The following KCNH1 variants were observed in gnomAD, a reference collection of about 807,000 sequenced individuals.
The protein encoded by KCNH1 is voltage-gated delayed rectifier potassium channel KCNH1.
Under a neutral mutation model 69.2 loss-of-function variants are expected in KCNH1, and 27 were observed. That is an observed-to-expected ratio of 0.39 (90% CI 0.29 to 0.54). KCNH1 has a LOEUF of 0.54. Among genes scored for constraint, KCNH1 ranks in the 20% least tolerant of loss-of-function variants. The probability of loss-of-function intolerance (pLI) is 0.68; values close to 1 mark genes in which losing one functional copy is unlikely to be tolerated. For missense variants in KCNH1, 798 were observed against 1,261.6 expected (o/e 0.63, Z 5.57); for synonymous variants, 456 against 487.7 (o/e 0.93, Z 0.86).
intron 8 of KCNH1, 80 bp from the exon 9 acceptor site, chr1:210,797,840 G>C: frequency 6.6e-7 from 1 of 1,508,630 alleles, no homozygotes; most frequent in Non-Finnish European, 9.0e-7. Flanking sequence ...CTAGGGGGAG[G>C]AGCAACATCC....
chr1:210,933,838 A>G (rs1463408764), intron 6 of KCNH1, among the ~76,000 whole-genome samples: 1 of 152,232 alleles, frequency 6.6e-6, no homozygotes, highest in African/African-American at 2.4e-5. Context: ...TAAGACAGAC[A>G]CATAGACCAA....
intron 10 of KCNH1, among the ~76,000 whole-genome samples, chr1:210,727,523 C>T (rs576776081): frequency 6.6e-6 from 1 of 151,964 alleles, no homozygotes; most frequent in African/African-American, 2.4e-5. Flanking sequence ...TCATTGTCCA[C>T]GAGGAAATAG....
At chr1:211,129,441 G>C (rs146175970) in intron 1 of KCNH1, among the ~76,000 whole-genome samples, 171 of 152,204 alleles carry the variant, frequency 1.1e-3, no homozygotes, top group African/African-American at 3.7e-3. Context: ...TAAAATAAAT[G>C]GGTTGCATAA....
chr1:210,990,948 AC>A (rs1688924486), intron 6 of KCNH1, among the ~76,000 whole-genome samples: 1 of 152,154 alleles, frequency 6.6e-6, no homozygotes, highest in South Asian at 2.1e-4. Flanking sequence ...TGCTTTACCA[AC>A]ATAGACTATG....
At chr1:210,944,702 T>C (rs897130178) in intron 6 of KCNH1, among the ~76,000 whole-genome samples, 6 of 152,348 alleles carry the variant, frequency 3.9e-5, no homozygotes, top group Admixed American at 2.6e-4. Context: ...CATTATTCCT[T>C]GTGGCCAAAT....
chr1:210,857,687 T>C (rs67483865), intron 7 of KCNH1, among the ~76,000 whole-genome samples: 35,772 of 152,162 alleles, frequency 0.24, 4,368 homozygotes, highest in African/African-American at 0.32. Flanking sequence ...TAGTTTTGAA[T>C]CCATTAAGAT....
intron 6 of KCNH1, among the ~76,000 whole-genome samples, chr1:210,968,081 C>T (rs934250047): frequency 2.0e-5 from 3 of 151,350 alleles, no homozygotes; most frequent in African/African-American, 7.3e-5. Flanking sequence ...TGTGATCTCA[C>T]TGTTCAGTTC....
At chr1:211,114,812 C>T (rs184512674) in intron 1 of KCNH1, among the ~76,000 whole-genome samples, 1 of 152,116 alleles carries the variant, frequency 6.6e-6, no homozygotes, top group Admixed American at 6.5e-5. Flanking sequence ...CTAAGCAAAA[C>T]ATAATTAGCA....
chr1:210,772,729 T>C (rs1354898910), intron 10 of KCNH1, among the ~76,000 whole-genome samples: 2 of 152,166 alleles, frequency 1.3e-5, no homozygotes, highest in Non-Finnish European at 2.9e-5. Context: ...AATAACAAAT[T>C]TGATACACTC....
intron 7 of KCNH1, among the ~76,000 whole-genome samples, chr1:210,893,600 G>T (rs1214376358): frequency 1.3e-5 from 2 of 151,700 alleles, no homozygotes; most frequent in African/African-American, 4.8e-5. Context: ...TTCAAATATT[G>T]CTTCTACTTT....
intron 6 of KCNH1, among the ~76,000 whole-genome samples, chr1:210,959,724 G>T (rs1409815046): frequency 2.0e-5 from 3 of 152,232 alleles, no homozygotes; most frequent in African/African-American, 7.2e-5. Flanking sequence ...AGGCATAGGA[G>T]AGAATCTCCT....
intron 6 of KCNH1, among the ~76,000 whole-genome samples, chr1:210,976,982 T>C (rs1263078844): frequency 6.6e-6 from 1 of 151,728 alleles, no homozygotes; most frequent in Non-Finnish European, 1.5e-5. Flanking sequence ...TTATAAAACA[T>C]GCTCCTATAA....
chr1:210,770,321 A>G (rs1369296779), intron 10 of KCNH1, among the ~76,000 whole-genome samples: 1 of 152,218 alleles, frequency 6.6e-6, no homozygotes, highest in Non-Finnish European at 1.5e-5. Context: ...ATGTATACCT[A>G]TGTAACAAAC....
At chr1:211,113,335 C>A (rs1366465522) in intron 1 of KCNH1, among the ~76,000 whole-genome samples, 1 of 152,252 alleles carries the variant, frequency 6.6e-6, no homozygotes, top group African/African-American at 2.4e-5. Flanking sequence ...TCTATGAATA[C>A]CGTTATTGTA....
At chr1:211,033,065 G>GA (rs1420703010) in intron 5 of KCNH1, among the ~76,000 whole-genome samples, 5 of 151,890 alleles carry the variant, frequency 3.3e-5, no homozygotes, top group Non-Finnish European at 7.4e-5. Flanking sequence ...AAATTTACAA[G>GA]AAAAAAACAA....
chr1:210,892,015 G>T (rs1336886228), intron 7 of KCNH1, among the ~76,000 whole-genome samples: 3 of 152,056 alleles, frequency 2.0e-5, no homozygotes, highest in African/African-American at 4.8e-5. Flanking sequence ...TAAACAATGG[G>T]AACACATGGA....
Position 211,024,504 on chromosome 1 carries a change from C to T in KCNH1, c.559-5248G>A, listed in dbSNP as rs148062968. 3.2e-3 allele frequency among the ~76,000 whole-genome samples: 488 copies of T among 152,244 alleles called. 3 individuals are homozygous for T. The highest frequency in any genetic ancestry group is 0.014 in the Middle Eastern group (4 of 294). ...TGCTAGATGAGCTCTGAAAGGAAAG[C>T]GGAAACTAGACCACACAGGACCCAG... On this transcript the variant is annotated intron_variant, in intron 5 of 10. Coordinates refer to ENST00000271751, the MANE Select transcript of KCNH1 (RefSeq NM_172362.3).
chr1:211,107,900 A>G (rs1691387352), intron 1 of KCNH1, among the ~76,000 whole-genome samples: 1 of 152,222 alleles, frequency 6.6e-6, no homozygotes, highest in Non-Finnish European at 1.5e-5. Context: ...TCATGGACAC[A>G]CACAGCACCA....
intron 7 of KCNH1, among the ~76,000 whole-genome samples, chr1:210,824,385 A>C (rs1249156126): frequency 6.6e-6 from 1 of 152,130 alleles, no homozygotes; most frequent in Non-Finnish European, 1.5e-5. Flanking sequence ...AAACCTGAGA[A>C]ATTTTTAGAA....
Sources: allele counts gnomAD v4.1 joint callset (sites outside exome capture counted in the v4.1 genomes callset), GRCh38; gene constraint gnomAD v4.1.1; transcripts MANE v1.5; gene names NCBI Gene and HGNC (gene_info 2026-07-23, HGNC 2026-07-21).